Variants in DMD observed in about 807,000 individuals in gnomAD.
DMD encodes dystrophin.
In DMD, 63 loss-of-function variants were observed where a neutral mutation model predicts 330.1. The observed-to-expected ratio is 0.19, with a 90% CI of 0.16 to 0.24. DMD has a LOEUF of 0.24. DMD is among the 10% of genes least tolerant of loss of function. The pLI is 1.00. For synonymous variants in DMD, 1,223 were observed against 959.8 expected (o/e 1.27, Z -5.07); for missense variants, 3,344 against 2,684.1 (o/e 1.25, Z -5.43).
chrX:31,324,915 CTTT>C (rs1362524222), intron 61 of DMD, among the ~76,000 whole-genome samples: 2 of 112,222 alleles, frequency 1.8e-5, no homozygotes, highest in Admixed American at 9.4e-5. Flanking sequence ...ACTCCAGCTT[CTTT>C]GTTTTATATA....
At chrX:32,493,081 T>A (rs1222900956) in intron 19 of DMD, among the ~76,000 whole-genome samples, 1 of 112,092 alleles carries the variant, frequency 8.9e-6, no homozygotes, top group Admixed American at 9.5e-5. Flanking sequence ...ACATAAGGCC[T>A]GTGGTTTTGC....
At chrX:32,463,780 G>T (rs2098391839) in intron 24 of DMD, among the ~76,000 whole-genome samples, 186 bp from the exon 25 acceptor site, 1 of 112,050 alleles carries the variant, frequency 8.9e-6, no homozygotes, top group East Asian at 2.8e-4. Flanking sequence ...ATGTTCAATG[G>T]TTATTATGGC....
At chrX:32,395,376 T>C (rs903951145) in intron 30 of DMD, among the ~76,000 whole-genome samples, 3 of 107,485 alleles carry the variant, frequency 2.8e-5, no homozygotes, top group Non-Finnish European at 5.8e-5. Flanking sequence ...AGCAGAAATA[T>C]ATGCAATGTA....
intron 7 of DMD, among the ~76,000 whole-genome samples, chrX:32,774,121 T>C (rs1372699168): frequency 8.9e-6 from 1 of 112,235 alleles, no homozygotes; most frequent in Non-Finnish European, 1.9e-5. Flanking sequence ...TGTCTGAAAT[T>C]CCTTAGGAGA....
At chrX:32,705,531 A>T (rs1483915749) in intron 7 of DMD, among the ~76,000 whole-genome samples, 1 of 111,995 alleles carries the variant, frequency 8.9e-6, no homozygotes, top group African/African-American at 3.2e-5. Flanking sequence ...ACAGTGGCTC[A>T]GGCTGGGCGC....
At chrX:31,910,707 G>A (rs2094536988) in intron 47 of DMD, among the ~76,000 whole-genome samples, 1 of 111,729 alleles carries the variant, frequency 9.0e-6, no homozygotes, top group Non-Finnish European at 1.9e-5. Context: ...GAAAGGAGAA[G>A]TCAGATTTAG....
chrX:33,281,850 A>G (rs766758827), intron 1 of DMD, among the ~76,000 whole-genome samples: 9 of 107,741 alleles, frequency 8.4e-5, no homozygotes, highest in African/African-American at 3.0e-4. Flanking sequence ...TACTCTCAAA[A>G]ATCCTTGATG....
chrX:33,281,027 A>T (rs1436893432), intron 1 of DMD, among the ~76,000 whole-genome samples: 1 of 111,963 alleles, frequency 8.9e-6, no homozygotes, highest in East Asian at 2.8e-4. Context: ...ACTTAGAGAG[A>T]ATTCACATCT....
intron 16 of DMD, among the ~76,000 whole-genome samples, chrX:32,562,994 T>A (rs2051206199): frequency 9.0e-6 from 1 of 111,463 alleles, no homozygotes. Flanking sequence ...TAAGTCCTTT[T>A]ATTTATTTCT....
At chrX:33,296,608 T>G (rs1489074863) in intron 1 of DMD, among the ~76,000 whole-genome samples, 1 of 111,089 alleles carries the variant, frequency 9.0e-6, no homozygotes, top group Admixed American at 9.7e-5. Context: ...ATTCTAGTTT[T>G]TGAGTCTTCC....
At chrX:32,909,200 AG>A (rs764911458) in intron 2 of DMD, among the ~76,000 whole-genome samples, 1 of 110,229 alleles carries the variant, frequency 9.1e-6, no homozygotes, top group South Asian at 3.9e-4. Flanking sequence ...TATGGTACTA[AG>A]AAAGAAAATC....
chrX:32,018,383 C>T (rs898042402), intron 44 of DMD, among the ~76,000 whole-genome samples: 1 of 111,428 alleles, frequency 9.0e-6, no homozygotes, highest in African/African-American at 3.3e-5. Context: ...TCTGGTCACT[C>T]CTTGGCTGCT....
At chrX:32,981,236 C>G (rs1272018352) in intron 2 of DMD, among the ~76,000 whole-genome samples, 1 of 111,857 alleles carries the variant, frequency 8.9e-6, no homozygotes, top group Non-Finnish European at 1.9e-5. Flanking sequence ...AAACTTCTTG[C>G]TAATTATCAT....
chrX:31,925,350 A>T (rs922208971), intron 47 of DMD, among the ~76,000 whole-genome samples: 1 of 111,848 alleles, frequency 8.9e-6, no homozygotes, highest in African/African-American at 3.2e-5. Flanking sequence ...TCGGTGTTCA[A>T]AAATAAAGAA....
intron 56 of DMD, among the ~76,000 whole-genome samples, chrX:31,497,644 G>A (rs964487230): frequency 8.9e-6 from 1 of 111,970 alleles, no homozygotes; most frequent in Non-Finnish European, 1.9e-5. Context: ...GTGCTTTACC[G>A]TCAACTGTAT....
At chrX:32,717,635 G>A (rs1603255020) in intron 7 of DMD, among the ~76,000 whole-genome samples, 2 of 111,426 alleles carry the variant, frequency 1.8e-5, no homozygotes, top group African/African-American at 3.3e-5. Flanking sequence ...GCCTACTTGA[G>A]CTTTGAGAAG....
chrX:32,632,921 T>C (rs966505978), intron 11 of DMD, among the ~76,000 whole-genome samples: 7 of 112,567 alleles, frequency 6.2e-5, no homozygotes, highest in Non-Finnish European at 1.1e-4. Context: ...AGCACTTGCC[T>C]TCTTTGTAGG....
In DMD at chrX:31,229,801, T is replaced by C. The variant is rs747737140; in HGVS notation, c.9287-6680A>G. Among the ~76,000 whole-genome samples, 7 of 112,227 alleles carry C rather than the reference T, an allele frequency of 6.2e-5. No individual in the cohort carries two copies. The South Asian group carries it at 2.6e-3, about 41-fold the overall frequency. ...TAGAAAGGTGGCATATTTTAAAATATAATAATATGTCTCCAATTTTCCAGT... is the reference window on the plus strand; with the variant it reads ...TAGAAAGGTGGCATATTTTAAAATACAATAATATGTCTCCAATTTTCCAGT... On this transcript the variant is annotated intron_variant, in intron 63 of 78. Transcript: ENST00000357033.
At position 31,242,121 on chromosome X, in the gene DMD, C is replaced by T. The variant is rs749141082; in HGVS notation, c.9286+18834G>A. ...AAATACAAAAATTAGCCAGGTATGGCGGTGTGTGCCTGTAGTCCCAGCTGC... is the reference window on the plus strand; with the variant it reads ...AAATACAAAAATTAGCCAGGTATGGTGGTGTGTGCCTGTAGTCCCAGCTGC... On this transcript the variant is annotated intron_variant, in intron 63 of 78. Coordinates refer to ENST00000357033, the MANE Select transcript of DMD (RefSeq NM_004006.3). Among the ~76,000 whole-genome samples, 3 of 108,434 alleles carry T rather than the reference C, an allele frequency of 2.8e-5. No homozygotes were observed. The South Asian group carries it at 1.2e-3, about 45-fold the overall frequency. 94.2% of individuals were successfully genotyped at this position (108,434 alleles called of 115,157 possible).
Sources: allele counts gnomAD v4.1 joint callset (sites outside exome capture counted in the v4.1 genomes callset), GRCh38; gene constraint gnomAD v4.1.1; transcripts MANE v1.5; gene names NCBI Gene and HGNC (gene_info 2026-07-23, HGNC 2026-07-21).